The following XPNPEP1 variants were observed in gnomAD, a reference collection of about 807,000 sequenced individuals.
XPNPEP1 encodes the protein X-prolyl aminopeptidase 1.
XPNPEP1 carries 39 observed loss-of-function variants against 92.4 expected under a neutral mutation model. The ratio of observed to expected loss-of-function variants is 0.42; its 90% CI spans 0.33 to 0.55. XPNPEP1 has a LOEUF of 0.55. XPNPEP1 is among the 20% of genes least tolerant of loss of function. XPNPEP1 has a pLI of 0.08. For synonymous variants in XPNPEP1, 307 were observed against 299.4 expected (o/e 1.03, Z -0.26); for missense variants, 654 against 856.1 (o/e 0.76, Z 2.95).
intron 3 of XPNPEP1, chr10:109,894,107 G>T (rs1848848489): frequency 6.6e-6 from 1 of 152,318 alleles, no homozygotes; most frequent in Admixed American, 6.5e-5. Flanking sequence ...CCAAGCCAAA[G>T]GACCTGGCAA....
rs758472784 is a variant in XPNPEP1, at chr10:109,880,238, T to C, written c.1132A>G (p.Ile378Val). The C allele has an allele frequency of 6.2e-6, 10 of 1,613,910 alleles. No individual in the cohort carries two copies. Among genetic ancestry groups the C allele is most frequent in the Non-Finnish European group, 6.8e-6 (8 of 1,180,030 alleles). Residue 378 changes from isoleucine (I) to valine (V), a missense_variant and splice_region_variant, in exon 12 of 21, where the codon ATT becomes GTT. Coordinates refer to ENST00000502935, the MANE Select transcript of XPNPEP1 (RefSeq NM_020383.4). ...TCACAGAGAGCAACAGCATCTTTAA[T>C]CTGTGCAAACAATGGAGACATTTTT... Reference protein sequence around the residue: ...AESEGMRRAHIKDAVALCELF... With the variant: ...AESEGMRRAHVKDAVALCELF...
At chr10:109,875,423 A>G in intron 15 of XPNPEP1, 105 bp downstream of exon 15, 1 of 993,546 alleles carries the variant, frequency 1.0e-6, no homozygotes, top group Non-Finnish European at 1.6e-6. Context: ...TGGCCAGCAC[A>G]GAGGGCGATG....
At chr10:109,911,488 C>G (rs1333070295) in intron 2 of XPNPEP1, among the ~76,000 whole-genome samples, 1 of 152,116 alleles carries the variant, frequency 6.6e-6, no homozygotes, top group East Asian at 1.9e-4. Context: ...TGGTCTGATC[C>G]AAGTTTATAT....
At chr10:109,874,904 A>G (rs1370619337) in intron 15 of XPNPEP1, among the ~76,000 whole-genome samples, 1 of 152,134 alleles carries the variant, frequency 6.6e-6, no homozygotes, top group Non-Finnish European at 1.5e-5. Context: ...AGCCGAGATC[A>G]CGCCACTGCA....
intron 20 of XPNPEP1, among the ~76,000 whole-genome samples, chr10:109,865,612 T>C (rs1022614544): frequency 1.3e-5 from 2 of 152,190 alleles, no homozygotes; most frequent in Non-Finnish European, 2.9e-5. Context: ...CCCTTAAACC[T>C]GAGCCATCCT....
At chr10:109,892,103 C>G (rs538646999) in intron 4 of XPNPEP1, among the ~76,000 whole-genome samples, 4 of 152,206 alleles carry the variant, frequency 2.6e-5, no homozygotes, top group Non-Finnish European at 5.9e-5. Context: ...GAGTCAAGAA[C>G]AGAGAATGGA....
intron 16 of XPNPEP1, among the ~76,000 whole-genome samples, chr10:109,872,599 G>T (rs554686135): frequency 3.9e-5 from 6 of 152,286 alleles, no homozygotes; most frequent in Middle Eastern, 3.4e-3. Context: ...AAAAGGCAAG[G>T]GACCAAGACA....
chr10:109,901,828 A>G (rs560525680), intron 3 of XPNPEP1, among the ~76,000 whole-genome samples: 3 of 152,354 alleles, frequency 2.0e-5, no homozygotes, highest in African/African-American at 7.2e-5. Context: ...TCCAATGAAA[A>G]TTTCACATTC....
At chr10:109,915,877 T>C (rs891972378) in intron 1 of XPNPEP1, among the ~76,000 whole-genome samples, 4 of 152,226 alleles carry the variant, frequency 2.6e-5, no homozygotes, top group African/African-American at 9.6e-5. Context: ...CTCTACATTT[T>C]TGGCACTTGA....
chr10:109,891,825 G>T lies in XPNPEP1; in HGVS notation c.312C>A (p.Gly104=), dbSNP rs1229696956. Residue 104 remains glycine (G), a splice_region_variant and synonymous_variant, in exon 5 of 21, where the codon GGC becomes GGA. Coordinates refer to ENST00000502935, the MANE Select transcript of XPNPEP1 (RefSeq NM_020383.4). ...AFVSGFDGSA[G]TAIITEEHAA... ...CATGCTCTTCTGTGATGATGGCTGTGCCTGAAGCAGGGGAGAAAAAAAAAA... is the reference window on the plus strand; with the variant it reads ...CATGCTCTTCTGTGATGATGGCTGTTCCTGAAGCAGGGGAGAAAAAAAAAA... The T allele has an allele frequency of 6.2e-7, 1 of 1,611,358 alleles. No individual in the cohort carries two copies. The highest frequency in any genetic ancestry group is 1.7e-5 in the Admixed American group (1 of 59,364).
chr10:109,866,205 T>G (rs149572317), intron 20 of XPNPEP1, among the ~76,000 whole-genome samples: 103 of 152,332 alleles, frequency 6.8e-4, no homozygotes, highest in African/African-American at 2.4e-3. Context: ...ACAGAAGTAC[T>G]GCTTTCAGGG....
At chr10:109,908,490 T>C (rs1312398378) in intron 2 of XPNPEP1, among the ~76,000 whole-genome samples, 2 of 152,124 alleles carry the variant, frequency 1.3e-5, no homozygotes. Flanking sequence ...TAGTCCCAGC[T>C]ACTCCGGAGG....
chr10:109,892,945 C>T (rs1277492921), intron 4 of XPNPEP1, 67 bp downstream of exon 4: 5 of 1,518,048 alleles, frequency 3.3e-6, no homozygotes, highest in Non-Finnish European at 4.5e-6. Flanking sequence ...CAGGCTGAAA[C>T]TCGGTTCAGT....
chr10:109,865,445 T>C, intron 20 of XPNPEP1, 133 bp from the exon 21 acceptor site: 2 of 1,166,724 alleles, frequency 1.7e-6, no homozygotes, highest in South Asian at 2.9e-5. Context: ...CCCTTTCTCC[T>C]TACTCACAGG....
At chr10:109,896,433 C>CTT (rs11419765) in intron 3 of XPNPEP1, among the ~76,000 whole-genome samples, 2,873 of 121,684 alleles carry the variant, frequency 0.024, 130 homozygotes, top group Admixed American at 0.075. Flanking sequence ...AGGCACACAC[C>CTT]TTTTTTTTTT....
intron 16 of XPNPEP1, 127 bp from the exon 17 acceptor site, chr10:109,871,988 A>C: frequency 3.2e-6 from 3 of 933,438 alleles, no homozygotes; most frequent in Non-Finnish European, 4.7e-6. Context: ...TGTAAGTAAA[A>C]AGAAAAAAAT....
At chr10:109,907,928 T>C in intron 2 of XPNPEP1, 113 bp from the exon 3 acceptor site, 1 of 1,485,454 alleles carries the variant, frequency 6.7e-7, no homozygotes, top group Admixed American at 2.0e-5. Context: ...CACTCCCAGT[T>C]AGGTCTTCAA....
intron 4 of XPNPEP1, 149 bp from the exon 5 acceptor site, chr10:109,891,975 G>A: frequency 1.5e-6 from 1 of 679,248 alleles, no homozygotes; most frequent in Non-Finnish European, 2.5e-6. Context: ...AAACCTCTGG[G>A]CAAGAGAAGA....
At chr10:109,887,397 T>A (rs1357782551) in intron 7 of XPNPEP1, among the ~76,000 whole-genome samples, 1 of 152,164 alleles carries the variant, frequency 6.6e-6, no homozygotes, top group East Asian at 1.9e-4. Flanking sequence ...TGGCCCAGAA[T>A]CTAGGCTGTC....
Sources: gnomAD v4.1 joint callset for allele counts (sites outside exome capture counted in the v4.1 genomes callset) on GRCh38, gnomAD v4.1.1 for gene constraint, MANE v1.5 for transcripts, NCBI Gene and HGNC (gene_info 2026-07-23, HGNC 2026-07-21) for gene names.